The following SP140L variants were observed in gnomAD, a reference collection of about 807,000 sequenced individuals.
SP140L encodes the protein SP140 like nuclear body protein, also known as nuclear body protein SP140-like protein.
A neutral mutation model predicts 84.3 loss-of-function variants in SP140L; 64 were observed. The observed-to-expected ratio is 0.76, with a 90% CI of 0.62 to 0.94. SP140L has a LOEUF of 0.94. SP140L is among the 40% of genes least tolerant of loss of function. The probability of loss-of-function intolerance (pLI) is 0.00; values close to 1 mark genes in which losing one functional copy is unlikely to be tolerated. For missense variants in SP140L, 628 were observed against 692.5 expected, an observed-to-expected ratio of 0.91 and a Z score of 1.05; for synonymous variants, 242 against 236.9, an observed-to-expected ratio of 1.02 and a Z score of -0.20.
At chr2:230,355,945 A>G (rs901655926) in intron 2 of SP140L, among the ~76,000 whole-genome samples, 1 of 152,162 alleles carries the variant, frequency 6.6e-6, no homozygotes, top group African/African-American at 2.4e-5. Context: ...TCTATCCATA[A>G]TCTGTAAAAG....
At chr2:230,347,674 G>A (rs999804736) in intron 2 of SP140L, among the ~76,000 whole-genome samples, 2 of 152,164 alleles carry the variant, frequency 1.3e-5, no homozygotes, top group Admixed American at 6.5e-5. Flanking sequence ...TCGATTACCT[G>A]CGTGGTCAAG....
At position 230,367,861 on chromosome 2, in the gene SP140L, G is replaced by T. The variant is rs190612759; in HGVS notation, c.524-3047G>T. Among the ~76,000 whole-genome samples the T allele has an allele frequency of 1.6e-3, 250 of 152,330 alleles. 1 individual carries two copies. Among genetic ancestry groups the T allele is most frequent in the Non-Finnish European group, 1.2e-3 (79 of 68,026 alleles). On this transcript the variant is annotated intron_variant, in intron 5 of 18. Transcript: ENST00000415673. Reference sequence around the variant, plus strand: ...GCAGGAGAATCGCTTGAACCAGGGAGCTGGAGGTTGCTGTGAGCTGAGATC... The same window carrying T: ...GCAGGAGAATCGCTTGAACCAGGGATCTGGAGGTTGCTGTGAGCTGAGATC...
At chr2:230,347,841 A>G (rs975920244) in intron 2 of SP140L, among the ~76,000 whole-genome samples, 1 of 152,224 alleles carries the variant, frequency 6.6e-6, no homozygotes, top group Non-Finnish European at 1.5e-5. Flanking sequence ...TAGGGTCACC[A>G]GCTTGCCTCT....
At chr2:230,381,866 T>C (rs1225516149) in intron 7 of SP140L, among the ~76,000 whole-genome samples, 4 of 152,198 alleles carry the variant, frequency 2.6e-5, no homozygotes, top group Non-Finnish European at 5.9e-5. Flanking sequence ...ATGCCTGGCT[T>C]TCATACAATA....
chr2:230,341,239 A>G (rs2060032914), intron 2 of SP140L, among the ~76,000 whole-genome samples: 2 of 143,930 alleles, frequency 1.4e-5, no homozygotes, highest in South Asian at 4.6e-4. Flanking sequence ...CATTTCATTC[A>G]TTTCATCTTC....
chr2:230,382,251 G>A (rs1177098753), intron 7 of SP140L, among the ~76,000 whole-genome samples: 3 of 143,400 alleles, frequency 2.1e-5, no homozygotes, highest in African/African-American at 5.1e-5. Context: ...GCTGGGCCCA[G>A]CCCCTGCCGT....
intron 9 of SP140L, among the ~76,000 whole-genome samples, 174 bp downstream of exon 9, chr2:230,385,478 C>A (rs528589050): frequency 1.3e-5 from 2 of 152,308 alleles, no homozygotes; most frequent in African/African-American, 4.8e-5. Context: ...TGATTGTATT[C>A]ATATCATAGA....
chr2:230,385,184 G>T (rs779726864), intron 8 of SP140L, 40 bp from the exon 9 acceptor site: 1 of 1,604,616 alleles, frequency 6.2e-7, no homozygotes, highest in South Asian at 1.1e-5. Flanking sequence ...CTGTTGTTCT[G>T]CCCAGTTCTA....
intron 9 of SP140L, among the ~76,000 whole-genome samples, chr2:230,386,323 G>A (rs1214645686): frequency 6.6e-6 from 1 of 152,044 alleles, no homozygotes; most frequent in Non-Finnish European, 1.5e-5. Flanking sequence ...CCTTAGTCCT[G>A]GACAGACCAG....
At chr2:230,361,143 G>A (rs987976913) in intron 4 of SP140L, among the ~76,000 whole-genome samples, 3 of 152,088 alleles carry the variant, frequency 2.0e-5, no homozygotes, top group Non-Finnish European at 4.4e-5. Context: ...TCAGACACAA[G>A]GTCTTGCTAT....
At chr2:230,371,109 G>A in intron 6 of SP140L, 142 bp downstream of exon 6, 1 of 679,162 alleles carries the variant, frequency 1.5e-6, no homozygotes, top group South Asian at 1.8e-5. Flanking sequence ...ACTGCAGAGA[G>A]GCAAGAGATC....
intron 9 of SP140L, among the ~76,000 whole-genome samples, chr2:230,387,304 G>T (rs1405391216): frequency 6.6e-6 from 1 of 152,106 alleles, no homozygotes; most frequent in Non-Finnish European, 1.5e-5. Context: ...TGTTATCTTG[G>T]TTAAATATTA....
intron 9 of SP140L, among the ~76,000 whole-genome samples, chr2:230,388,118 A>C (rs1489514529): frequency 6.6e-6 from 1 of 152,156 alleles, no homozygotes; most frequent in Non-Finnish European, 1.5e-5. Context: ...ATTTTCTCTG[A>C]ATATTTTAGT....
In SP140L at chr2:230,331,442, G is replaced by A. The variant is rs2059722411; in HGVS notation, c.107+2611G>A. ...CTCTCTTACATATAAATTTGTATAG[G>A]TGACCCATGTTCTAATCCATGGTTA... On this transcript the variant is annotated intron_variant, in intron 2 of 18. Coordinates refer to ENST00000415673, the MANE Select transcript of SP140L (RefSeq NM_138402.6). 2.6e-5 allele frequency among the ~76,000 whole-genome samples: 4 copies of A among 152,028 alleles called. No individual in the cohort carries two copies. The South Asian group carries it at 8.3e-4, about 32-fold the overall frequency.
At chr2:230,385,116 G>A (rs569550746) in intron 8 of SP140L, 108 bp from the exon 9 acceptor site, 4 of 1,034,324 alleles carry the variant, frequency 3.9e-6, no homozygotes, top group South Asian at 1.5e-5. Flanking sequence ...ACACCTGCTC[G>A]AGGGGATCCA....
chr2:230,387,103 T>C (rs1478493957), intron 9 of SP140L, among the ~76,000 whole-genome samples: 1 of 152,176 alleles, frequency 6.6e-6, no homozygotes, highest in Non-Finnish European at 1.5e-5. Flanking sequence ...GTGTGGCTGA[T>C]GTTCTATTGC....
intron 5 of SP140L, among the ~76,000 whole-genome samples, chr2:230,365,607 G>T (rs558314073): frequency 6.6e-6 from 1 of 151,224 alleles, no homozygotes; most frequent in South Asian, 2.1e-4. Flanking sequence ...TCTTTTCATT[G>T]TTTTTCTAGT....
intron 2 of SP140L, among the ~76,000 whole-genome samples, chr2:230,336,275 G>T (rs2059879302): frequency 6.6e-6 from 1 of 152,158 alleles, no homozygotes; most frequent in African/African-American, 2.4e-5. Flanking sequence ...AACCAGTTGT[G>T]GTTGATTTCT....
At chr2:230,337,607 C>T (rs2059916430) in intron 2 of SP140L, among the ~76,000 whole-genome samples, 2 of 152,142 alleles carry the variant, frequency 1.3e-5, no homozygotes, top group Admixed American at 1.3e-4. Context: ...ATGTTTTCTT[C>T]TAGGGTTTTT....
Sources: gnomAD v4.1 joint callset for allele counts (sites outside exome capture counted in the v4.1 genomes callset) on GRCh38, gnomAD v4.1.1 for gene constraint, MANE v1.5 for transcripts, NCBI Gene and HGNC (gene_info 2026-07-23, HGNC 2026-07-21) for gene names.